Variants in ITPK1 observed in about 807,000 individuals in gnomAD.
ITPK1 encodes the protein inositol 1,3,4-trisphosphate 5/6-kinase.
A neutral mutation model predicts 45.3 loss-of-function variants in ITPK1; 21 were observed. The ratio of observed to expected loss-of-function variants is 0.46; its 90% confidence interval spans 0.33 to 0.67. The LOEUF (loss-of-function observed/expected upper bound fraction) is 0.67, where lower values mean the gene tolerates loss of function less well. ITPK1 is among the 30% of genes least tolerant of loss of function. The pLI is 0.02. For synonymous variants in ITPK1, 258 were observed against 253.6 expected (o/e 1.02, Z -0.16); for missense variants, 474 against 573.5 (o/e 0.83, Z 1.77).
At chr14:93,110,086 G>A (rs1305806352) in intron 2 of ITPK1, among the ~76,000 whole-genome samples, 1 of 152,160 alleles carries the variant, frequency 6.6e-6, no homozygotes, top group African/African-American at 2.4e-5. Context: ...GCACAGAGGG[G>A]TAGGGAATGT....
rs1165797731 is a variant in ITPK1, at chr14:92,952,123, C to T, written c.671-110G>A. 3 of 875,074 alleles carry T rather than the reference C, an allele frequency of 3.4e-6. No homozygotes were observed. The African/African-American group carries it at 5.0e-5, about 15-fold the overall frequency. The allele number at this position is 875,074 out of a possible 1,614,324, so 54.2% of individuals were successfully genotyped here. ...ACCCCAGGCACACAACACGTGGCCC[C>T]CGGCTCTGCAGAGCCCTGGGCTCCA... On this transcript the variant is annotated intron_variant, in intron 8 of 10. Transcript: ENST00000267615.
At chr14:93,064,218 G>C (rs536869258) in intron 3 of ITPK1, among the ~76,000 whole-genome samples, 10 of 152,344 alleles carry the variant, frequency 6.6e-5, no homozygotes, top group African/African-American at 2.4e-4. Flanking sequence ...GGGAGGCAGA[G>C]CTTGCAGTGA....
At position 92,993,268 on chromosome 14, in the gene ITPK1, A is replaced by G. The variant is rs117059980; in HGVS notation, c.364+612T>C. 8.4e-3 allele frequency among the ~76,000 whole-genome samples: 1,286 copies of G among 152,372 alleles called. 45 individuals carry two copies. Among genetic ancestry groups the G allele is most frequent in the East Asian group, 0.075 (388 of 5,186 alleles). On this transcript the variant is annotated intron_variant, in intron 5 of 10. Coordinates refer to ENST00000267615, the MANE Select transcript of ITPK1 (RefSeq NM_014216.6). Reference sequence around the variant, plus strand: ...AGTGAACTAGGAGGTTACTGTTAACATGAATCTCTCCACAAAGTCTTTCTC... The same window carrying G: ...AGTGAACTAGGAGGTTACTGTTAACGTGAATCTCTCCACAAAGTCTTTCTC...
At chr14:93,042,901 G>A (rs1018523204) in intron 3 of ITPK1, among the ~76,000 whole-genome samples, 1 of 151,924 alleles carries the variant, frequency 6.6e-6, no homozygotes, top group Non-Finnish European at 1.5e-5. Context: ...ACCTGCAATC[G>A]CAGCTACTCG....
chr14:92,952,444 CT>C (rs1232229113), intron 8 of ITPK1, among the ~76,000 whole-genome samples: 1 of 152,212 alleles, frequency 6.6e-6, no homozygotes, highest in East Asian at 1.9e-4. Context: ...ACGGGACTCT[CT>C]TTTGGGGAAC....
intron 4 of ITPK1, among the ~76,000 whole-genome samples, chr14:93,004,786 G>A (rs1251436466): frequency 6.6e-6 from 1 of 151,982 alleles, no homozygotes; most frequent in African/African-American, 2.4e-5. Flanking sequence ...TGGGTGCGGG[G>A]GGCACAGGGT....
At chr14:92,991,981 T>C (rs986718342) in intron 5 of ITPK1, among the ~76,000 whole-genome samples, 1 of 152,130 alleles carries the variant, frequency 6.6e-6, no homozygotes, top group African/African-American at 2.4e-5. Flanking sequence ...GTATCACCCA[T>C]ATCTTCCAGA....
At chr14:93,065,417 A>T (rs1890704212) in intron 3 of ITPK1, among the ~76,000 whole-genome samples, 1 of 152,200 alleles carries the variant, frequency 6.6e-6, no homozygotes, top group Non-Finnish European at 1.5e-5. Flanking sequence ...AATCACAAAC[A>T]GCTCCTTCTG....
chr14:93,036,686 C>T lies in ITPK1; in HGVS notation c.121-19885G>A, dbSNP rs1889336039. Among the ~76,000 whole-genome samples the T allele has an allele frequency of 6.6e-6, 1 of 152,152 alleles. No homozygotes were observed. Among genetic ancestry groups the T allele is most frequent in the African/African-American group, 2.4e-5 (1 of 41,428 alleles). On this transcript the variant is annotated intron_variant, in intron 3 of 10. Transcript: ENST00000267615. This position sits in a 1 kb window ranked among gnomAD's most constrained non-coding sequence, Gnocchi z 4.1. The stretch of plus-strand genomic sequence containing the variant: ...GAACACTGCCCCTATTCTCTGGGCT[C>T]TGGGATCGTTACCAACAACCCGCAC...
chr14:93,074,536 C>T (rs893825736), intron 3 of ITPK1, among the ~76,000 whole-genome samples: 11 of 152,220 alleles, frequency 7.2e-5, no homozygotes, highest in African/African-American at 2.4e-4. Context: ...GTCTTGCCCT[C>T]TCAGGCAGTG....
At chr14:92,976,446 G>C (rs1402566207) in intron 5 of ITPK1, among the ~76,000 whole-genome samples, 1 of 152,200 alleles carries the variant, frequency 6.6e-6, no homozygotes, top group African/African-American at 2.4e-5. Context: ...ATGCTAAACT[G>C]CCATGCAAGA....
At chr14:93,044,458 C>T (rs76503179) in intron 3 of ITPK1, among the ~76,000 whole-genome samples, 4,369 of 152,248 alleles carry the variant, frequency 0.029, 189 homozygotes, top group African/African-American at 0.098. Flanking sequence ...AAGCCTAGGC[C>T]GAACACTGGC....
chr14:92,994,919 C>T (rs1205751673), intron 4 of ITPK1, among the ~76,000 whole-genome samples: 1 of 152,172 alleles, frequency 6.6e-6, no homozygotes, highest in African/African-American at 2.4e-5. Context: ...ATGGGTGGAC[C>T]ACACCATATG....
At chr14:93,088,337 T>TTG (rs1307131130) in intron 2 of ITPK1, among the ~76,000 whole-genome samples, 2 of 84,558 alleles carry the variant, frequency 2.4e-5, no homozygotes, top group African/African-American at 6.3e-5. Flanking sequence ...TTTGGTTTTG[T>TTG]TTTGTTTTTT....
At chr14:93,112,041 C>A (rs1016232669) in intron 2 of ITPK1, among the ~76,000 whole-genome samples, 10 of 151,896 alleles carry the variant, frequency 6.6e-5, no homozygotes, top group South Asian at 2.1e-4. Context: ...ACGTGCACTA[C>A]CCCCCAAACC....
chr14:92,950,867 A>G (rs1887924797), intron 9 of ITPK1, among the ~76,000 whole-genome samples: 1 of 152,224 alleles, frequency 6.6e-6, no homozygotes, highest in Non-Finnish European at 1.5e-5. Context: ...AAAGCCTGAT[A>G]TGTTCCCAGG....
At chr14:93,111,337 A>G (rs1892744507) in intron 2 of ITPK1, among the ~76,000 whole-genome samples, 1 of 152,112 alleles carries the variant, frequency 6.6e-6, no homozygotes, top group South Asian at 2.1e-4. Context: ...GAACTACAAA[A>G]TTTAAAATTA....
At chr14:92,952,292 C>G (rs1887993880) in intron 8 of ITPK1, among the ~76,000 whole-genome samples, 1 of 152,202 alleles carries the variant, frequency 6.6e-6, no homozygotes, top group South Asian at 2.1e-4. Context: ...CCCTGAGGCC[C>G]TGTTCCCAAA....
rs371441245 is a variant in ITPK1 at position 92,950,671 on chromosome 14, CCT to C, written c.738+1273_738+1274del. Among the ~76,000 whole-genome samples the C allele has an allele frequency of 7.4e-3, 1,131 of 152,306 alleles. 12 individuals carry two copies. The highest frequency in any genetic ancestry group is 0.026 in the African/African-American group (1,066 of 41,552). On this transcript the variant is annotated intron_variant, in intron 9 of 10. Coordinates refer to ENST00000267615, the MANE Select transcript of ITPK1 (RefSeq NM_014216.6). ...TGCCATCACGGCTGCTGGCCTTGCC[CCT>C]GAGAGGACACTCAGTCTGCAAATGC...
Sources: allele counts gnomAD v4.1 joint callset (sites outside exome capture counted in the v4.1 genomes callset), GRCh38; gene constraint gnomAD v4.1.1; non-coding constraint Gnocchi (gnomAD v3.1); transcripts MANE v1.5; gene names NCBI Gene and HGNC (gene_info 2026-07-23, HGNC 2026-07-21).